The following NECTIN4 variants were observed in gnomAD, a reference collection of about 807,000 sequenced individuals.
NECTIN4 encodes the protein nectin cell adhesion molecule 4.
Under a neutral mutation model 51.7 loss-of-function variants are expected in NECTIN4, and 19 were observed. The observed-to-expected ratio is 0.37, with a 90% CI of 0.26 to 0.54. NECTIN4 has a LOEUF of 0.54. Ranked by LOEUF, NECTIN4 falls within the 20% of genes least tolerant of loss-of-function variation. The pLI is 0.86. For synonymous variants in NECTIN4, 283 were observed against 286.9 expected (o/e 0.99, Z 0.14); for missense variants, 619 against 662.4 (o/e 0.93, Z 0.72).
intron 6 of NECTIN4, 72 bp from the exon 7 acceptor site, chr1:161,073,867 G>GTGAGA (rs1653296912): frequency 7.1e-7 from 1 of 1,401,982 alleles, no homozygotes; most frequent in African/African-American, 1.4e-5. Flanking sequence ...TCCTGGCTGA[G>GTGAGA]CCTAGTGAGA....
At chr1:161,078,896 C>G (rs550800814) in intron 2 of NECTIN4, among the ~76,000 whole-genome samples, 7 of 152,102 alleles carry the variant, frequency 4.6e-5, no homozygotes, top group Middle Eastern at 3.4e-3. Context: ...CCTGTAGACC[C>G]AGCTACTCGG....
At chr1:161,073,614 C>T in intron 7 of NECTIN4, 106 bp downstream of exon 7, 1 of 1,058,274 alleles carries the variant, frequency 9.4e-7, no homozygotes, top group Admixed American at 1.7e-5. Flanking sequence ...GAGTCAGTGG[C>T]TGACCCAGCA....
Position 161,073,205 on chromosome 1 carries a change from G to T in NECTIN4, c.1308+20C>A, listed in dbSNP as rs371227196. 5 of 1,609,710 alleles carry T rather than the reference G, an allele frequency of 3.1e-6. No individual in the cohort carries two copies. In the South Asian group the frequency reaches 5.5e-5, roughly 18 times the overall value. On this transcript the variant is annotated intron_variant, in intron 8 of 8. Transcript: ENST00000368012. ...GCCCGAGGAGAGTGGTGGGGACACC[G>T]GTGGGGCCGGGGGCCTCACCATCAC... is the stretch of plus-strand genomic sequence containing the variant.
At chr1:161,084,433 T>G (rs4233364) in intron 1 of NECTIN4, 1 of 152,256 alleles carries the variant, frequency 6.6e-6, no homozygotes. Flanking sequence ...GCCCTTGGTC[T>G]GTGGTATGTG....
rs1277128484 is a variant in NECTIN4, at chr1:161,076,836, C to T, written c.731-361G>A. ...CTGATTTTTCAAAGGTGTAACAATCCTACTAGTTCATTCATTTCTTCAACA... is the reference window on the plus strand; with the variant it reads ...CTGATTTTTCAAAGGTGTAACAATCTTACTAGTTCATTCATTTCTTCAACA... On this transcript the variant is annotated intron_variant, in intron 3 of 8. Transcript: ENST00000368012. Among the ~76,000 whole-genome samples the T allele has an allele frequency of 2.6e-5, 4 of 152,226 alleles. No individual in the cohort carries two copies. The South Asian group carries it at 6.2e-4, about 24-fold the overall frequency.
At chr1:161,074,791 C>T (rs753131344) in intron 4 of NECTIN4, 32 bp from the exon 5 acceptor site, 33 of 1,607,474 alleles carry the variant, frequency 2.1e-5, no homozygotes, top group Admixed American at 2.0e-4. Context: ...GGGTGCCAGC[C>T]GGGAAGGGCT....
chr1:161,073,896 G>A, intron 6 of NECTIN4, 101 bp from the exon 7 acceptor site: 3 of 1,074,000 alleles, frequency 2.8e-6, no homozygotes, highest in Non-Finnish European at 4.2e-6. Flanking sequence ...GAGGGTGTGG[G>A]TGCCGTGCTG....
At chr1:161,077,784 C>T (rs745882080) in intron 2 of NECTIN4, 41 bp from the exon 3 acceptor site, 2 of 1,569,424 alleles carry the variant, frequency 1.3e-6, no homozygotes, top group South Asian at 2.2e-5. Flanking sequence ...TCTACACAAT[C>T]CCTGTCAGGA....
In NECTIN4 at chr1:161,089,087, G is replaced by T; in HGVS notation, c.79+131C>A. On this transcript the variant is annotated intron_variant, in intron 1 of 8. Coordinates refer to ENST00000368012, the MANE Select transcript of NECTIN4 (RefSeq NM_030916.3). This position sits in a 1 kb window ranked among gnomAD's most constrained non-coding sequence, Gnocchi z 4.1. ...CTGGAAGCTGGGGGCAGGAGAGACT[G>T]GATCCTCAGTTCAGAGTCAAAGAAA... 1 of 879,806 alleles carries T rather than the reference G, an allele frequency of 1.1e-6. No individual in the cohort carries two copies. The highest frequency in any genetic ancestry group is 1.9e-6 in the Non-Finnish European group (1 of 526,034). 54.5% of individuals were successfully genotyped at this position (879,806 alleles called of 1,614,324 possible).
rs765548214 is a variant in NECTIN4 at position 161,079,728 on chromosome 1, G to C, written c.301C>G (p.Pro101Ala). The change falls in exon 2 of 9, where the codon CCG (proline) becomes GCG (alanine). Residue 101 changes from proline to alanine, a missense_variant. Transcript: ENST00000368012. ...TCCAGGGGGTTGCGTGGGGGCGGCGGCTGCTCCACGCGGCCCTCGTAAGCC... is the reference window on the plus strand; with the variant it reads ...TCCAGGGGGTTGCGTGGGGGCGGCGCCTGCTCCACGCGGCCCTCGTAAGCC... The part of the protein sequence containing the change: ...SPAYEGRVEQ[P>A]PPPRNPLDGS... 1 of 1,609,620 alleles carries C rather than the reference G, an allele frequency of 6.2e-7. No individual in the cohort carries two copies. Among genetic ancestry groups the C allele is most frequent in the Non-Finnish European group, 8.5e-7 (1 of 1,179,816 alleles).
chr1:161,079,708 G>C lies in NECTIN4; in HGVS notation c.321C>G (p.Pro107=). Residue 107 remains proline, a synonymous_variant, in exon 2 of 9, where the codon CCC becomes CCG. Transcript: ENST00000368012. ...TGCGCAGGAGCACTGAGCCGTCCAGGGGGTTGCGTGGGGGCGGCGGCTGCT... is the reference window on the plus strand; with the variant it reads ...TGCGCAGGAGCACTGAGCCGTCCAGCGGGTTGCGTGGGGGCGGCGGCTGCT... The part of the protein sequence containing the change: ...RVEQPPPPRN[P]LDGSVLLRNA... 1.9e-6 allele frequency: 3 copies of C among 1,608,906 alleles called. No homozygotes were observed. The highest frequency in any genetic ancestry group is 2.5e-6 in the Non-Finnish European group (3 of 1,179,758).
chr1:161,074,267 C>T lies in NECTIN4; in HGVS notation c.1107G>A (p.Val369=). 6.2e-7 allele frequency: 1 copy of T among 1,612,836 alleles called. No individual in the cohort carries two copies. Among genetic ancestry groups the T allele is most frequent in the Non-Finnish European group, 8.5e-7 (1 of 1,179,050 alleles). The change falls in exon 6 of 9, where the codon GTG becomes GTA. Residue 369 remains valine (V), a synonymous_variant. Coordinates refer to ENST00000368012, the MANE Select transcript of NECTIN4 (RefSeq NM_030916.3). ...TGCGCCGATGGTATCGGGACATGAGCACCACCACCACCACCAGAAGGCAGA... is the reference window on the plus strand; with the variant it reads ...TGCGCCGATGGTATCGGGACATGAGTACCACCACCACCACCAGAAGGCAGA... The part of the protein sequence containing the change: ...LLFCLLVVVV[V]LMSRYHRRKA...
intron 4 of NECTIN4, among the ~76,000 whole-genome samples, chr1:161,075,152 A>G (rs1298755615): frequency 6.6e-6 from 1 of 152,226 alleles, no homozygotes. Context: ...GCATGGCAGG[A>G]TACACAAACA....
rs768693470 is a variant in NECTIN4 at position 161,089,234 on chromosome 1, C to T, written c.63G>A (p.Leu21=). The change falls in exon 1 of 9, where the codon CTG becomes CTA. Residue 21 remains leucine (L), a synonymous_variant. Transcript: ENST00000368012. This position sits in a 1 kb window ranked among gnomAD's most constrained non-coding sequence, Gnocchi z 4.1. ...AAGTCCTACCTGTAAATGATGCCAG[C>T]AGTAGCAGCAGCAGCAGCCAGGCCT... The part of the protein sequence containing the change: ...GPEAWLLLLL[L]LASFTGRCPA... The T allele has an allele frequency of 1.2e-6, 2 of 1,612,914 alleles. No homozygotes were observed. The highest frequency in any genetic ancestry group is 8.5e-7 in the Non-Finnish European group (1 of 1,179,990).
Position 161,079,626 on chromosome 1 carries a change from C to G in NECTIN4, c.403G>C (p.Gly135Arg), listed in dbSNP as rs1328223403. The part of the protein sequence containing the change: ...YECRVSTFPA[G>R]SFQARLRLRV... ...AGCCGCAGCCGCGCCTGGAAGCTGC[C>G]GGCGGGGAAGGTGCTGACCCGGCAC... Residue 135 changes from glycine to arginine, a missense_variant, in exon 2 of 9, where the codon GGC becomes CGC. By Grantham distance (125) the Gly-to-Arg change is moderately radical (BLOSUM62 -2). Around this residue, in one of 3 missense-constraint regions of NECTIN4, gnomAD observed 218 missense variants for 186.3 expected, o/e 1.17. Coordinates refer to ENST00000368012, the MANE Select transcript of NECTIN4 (RefSeq NM_030916.3). The G allele has an allele frequency of 1.9e-6, 3 of 1,605,062 alleles. No homozygotes were observed. The highest frequency in any genetic ancestry group is 2.5e-6 in the Non-Finnish European group (3 of 1,179,586).
chr1:161,086,505 A>G (rs868048192), intron 1 of NECTIN4, among the ~76,000 whole-genome samples: 11 of 152,354 alleles, frequency 7.2e-5, no homozygotes, highest in African/African-American at 2.6e-4. Flanking sequence ...CCCAGAAGGC[A>G]GACCTCAGAA....
chr1:161,079,018 TA>T (rs1423247659), intron 2 of NECTIN4, among the ~76,000 whole-genome samples: 2 of 151,628 alleles, frequency 1.3e-5, no homozygotes, highest in African/African-American at 4.9e-5. Context: ...TCTCAAAAAA[TA>T]AAAAAAGCGA....
At chr1:161,087,932 A>G (rs1358824855) in intron 1 of NECTIN4, among the ~76,000 whole-genome samples, 2 of 152,136 alleles carry the variant, frequency 1.3e-5, no homozygotes, top group African/African-American at 4.8e-5. Flanking sequence ...GTGTGGGTAG[A>G]TCCCACAGGA....
chr1:161,073,935 G>A (rs1228897781), intron 6 of NECTIN4, 140 bp from the exon 7 acceptor site: 10 of 819,880 alleles, frequency 1.2e-5, no homozygotes, highest in Non-Finnish European at 2.1e-5. Flanking sequence ...TGTGGCTGCA[G>A]GTGGCAGTGA....
Sources: gnomAD v4.1 joint callset for allele counts (sites outside exome capture counted in the v4.1 genomes callset) on GRCh38, gnomAD v4.1.1 for gene constraint, gnomAD v4.1.1 regional missense constraint, Gnocchi (gnomAD v3.1) non-coding constraint, MANE v1.5 for transcripts, NCBI Gene and HGNC (gene_info 2026-07-23, HGNC 2026-07-21) for gene names.